IFT88: variants seen among roughly 807,000 people sequenced by gnomAD.
IFT88 encodes the protein intraflagellar transport protein 88 homolog.
A neutral mutation model predicts 119.5 loss-of-function variants in IFT88; 74 were observed. That is an observed-to-expected ratio of 0.62 (90% confidence interval 0.51 to 0.75). IFT88 has a LOEUF of 0.75. Ranked by LOEUF, IFT88 falls within the 30% of genes least tolerant of loss-of-function variation. The pLI is 0.00. For missense variants in IFT88, 961 were observed against 977.7 expected, an observed-to-expected ratio of 0.98 and a Z score of 0.23; for synonymous variants, 279 against 316.7, an observed-to-expected ratio of 0.88 and a Z score of 1.26.
intron 24 of IFT88, among the ~76,000 whole-genome samples, chr13:20,675,699 G>C (rs1008645025): frequency 6.6e-6 from 1 of 152,194 alleles, no homozygotes; most frequent in Non-Finnish European, 1.5e-5. Context: ...TGTACACAGC[G>C]TGTAAGTGAA....
intron 3 of IFT88, among the ~76,000 whole-genome samples, chr13:20,586,154 A>G (rs1593828212): frequency 6.6e-6 from 1 of 152,340 alleles, no homozygotes; most frequent in East Asian, 1.9e-4. Context: ...AAGCCTAGAA[A>G]AGCCAAGGTC....
chr13:20,571,028 C>G (rs1331508641), intron 1 of IFT88, among the ~76,000 whole-genome samples: 5 of 152,048 alleles, frequency 3.3e-5, no homozygotes, highest in Non-Finnish European at 5.9e-5. Context: ...GAGTCTGGCT[C>G]TGTCGCCTAG....
chr13:20,631,184 A>C, intron 16 of IFT88, 82 bp downstream of exon 16: 1 of 874,486 alleles, frequency 1.1e-6, no homozygotes, highest in Non-Finnish European at 1.9e-6. Context: ...GCCTAGGGAG[A>C]GGTCCAAAGA....
At chr13:20,620,439 C>G (rs919932087) in intron 14 of IFT88, among the ~76,000 whole-genome samples, 8 of 152,150 alleles carry the variant, frequency 5.3e-5, no homozygotes, top group Non-Finnish European at 1.2e-4. Flanking sequence ...CACTTGATAT[C>G]TGGTAGTGCT....
chr13:20,655,441 CA>C (rs71778307), intron 21 of IFT88, among the ~76,000 whole-genome samples: 55,546 of 128,092 alleles, frequency 0.43, 12,191 homozygotes, highest in Middle Eastern at 0.58. Flanking sequence ...GACTCCATCT[CA>C]AAAAAAAAAA....
At chr13:20,583,076 C>A in intron 3 of IFT88, 57 bp downstream of exon 3, 2 of 1,044,404 alleles carry the variant, frequency 1.9e-6, no homozygotes, top group Non-Finnish European at 3.0e-6. Context: ...ATGAAATTTA[C>A]CAGATTAACC....
intron 15 of IFT88, among the ~76,000 whole-genome samples, chr13:20,629,006 A>T (rs1408126730): frequency 6.6e-6 from 1 of 151,908 alleles, no homozygotes; most frequent in African/African-American, 2.4e-5. Context: ...CCTTTTTTTA[A>T]AAAAAAATTG....
Position 20,691,327 on chromosome 13 carries a change from G to T in IFT88, c.*152G>T, listed in dbSNP as rs2058444726. On this transcript the variant is annotated 3_prime_UTR_variant, in exon 26 of 26. Coordinates refer to ENST00000351808, the MANE Select transcript of IFT88 (RefSeq NM_006531.5). ...TATTCTGTATGTATGCATTTAAGTT[G>T]TTTTTTTCTTTTAAGGAATAAAAAC... The T allele has an allele frequency of 3.1e-6, 2 of 649,784 alleles. No homozygotes were observed. Among genetic ancestry groups the T allele is most frequent in the Non-Finnish European group, 4.8e-6 (2 of 416,906 alleles). 40.3% of individuals were successfully genotyped at this position (649,784 alleles called of 1,614,324 possible).
chr13:20,681,939 CT>C (rs1487385511), intron 24 of IFT88, among the ~76,000 whole-genome samples: 4 of 152,226 alleles, frequency 2.6e-5, no homozygotes, highest in Admixed American at 6.5e-5. Flanking sequence ...GCACCTACAG[CT>C]GGTTTAGATT....
At chr13:20,614,418 A>G (rs1474514606) in intron 13 of IFT88, 1 of 152,186 alleles carries the variant, frequency 6.6e-6, no homozygotes, top group African/African-American at 2.4e-5. Flanking sequence ...ATACGCAACA[A>G]ATTGGATAGA....
rs756018004 is a variant in IFT88 at position 20,631,004 on chromosome 13, T to C, written c.1300-12T>C. The C allele has an allele frequency of 9.9e-6, 15 of 1,507,680 alleles. No homozygotes were observed. In the African/African-American group the frequency reaches 1.2e-4, roughly 12 times the overall value. The allele number at this position is 1,507,680 out of a possible 1,614,324, so 93.4% of individuals were successfully genotyped here. A position where few individuals can be genotyped will look rare whatever the true frequency, so the allele number is the denominator to read the frequency against. On this transcript the variant is annotated splice_polypyrimidine_tract_variant and intron_variant, in intron 15 of 25. Coordinates refer to ENST00000351808, the MANE Select transcript of IFT88 (RefSeq NM_006531.5). ...TTACAGTGGTAGTAACCTTCAGATA[T>C]TCCATTTCTAGGCTGTAGAGATCTT...
chr13:20,682,967 T>G (rs905664670), intron 24 of IFT88, among the ~76,000 whole-genome samples: 3 of 152,162 alleles, frequency 2.0e-5, no homozygotes, highest in South Asian at 2.1e-4. Flanking sequence ...TAAAGGCCAA[T>G]TTTTAGGAAT....
At chr13:20,675,136 GA>G (rs950278904) in intron 24 of IFT88, among the ~76,000 whole-genome samples, 2 of 152,088 alleles carry the variant, frequency 1.3e-5, no homozygotes, top group African/African-American at 4.8e-5. Flanking sequence ...GCCCACAAGG[GA>G]GGACGAGACA....
chr13:20,661,155 A>G (rs972359992), intron 22 of IFT88, among the ~76,000 whole-genome samples: 2 of 152,226 alleles, frequency 1.3e-5, no homozygotes, highest in African/African-American at 4.8e-5. Context: ...AAAAATGTGC[A>G]AAGTGCTGTC....
At chr13:20,684,693 C>T (rs565358003) in intron 24 of IFT88, among the ~76,000 whole-genome samples, 41 of 152,374 alleles carry the variant, frequency 2.7e-4, no homozygotes, top group Middle Eastern at 3.4e-3. Context: ...CTAACCTTCA[C>T]TCCTTTTCTG....
At chr13:20,670,082 A>G (rs2055531821) in intron 23 of IFT88, among the ~76,000 whole-genome samples, 1 of 152,196 alleles carries the variant, frequency 6.6e-6, no homozygotes, top group South Asian at 2.1e-4. Flanking sequence ...ATATTTGGGA[A>G]GTTGTCAGGG....
intron 17 of IFT88, among the ~76,000 whole-genome samples, chr13:20,639,588 AC>A (rs2049542915): frequency 6.6e-6 from 1 of 152,256 alleles, no homozygotes; most frequent in East Asian, 1.9e-4. Context: ...GGAGGCTATG[AC>A]CACTTGGGTA....
chr13:20,661,984 T>A (rs1307307518), intron 22 of IFT88, among the ~76,000 whole-genome samples: 1 of 152,156 alleles, frequency 6.6e-6, no homozygotes, highest in East Asian at 1.9e-4. Context: ...ACAGCTAGAT[T>A]TTCAAATGCC....
Position 20,634,802 on chromosome 13 carries a change from ATT to A in IFT88, c.1387-3519_1387-3518del, listed in dbSNP as rs34571895. Among the ~76,000 whole-genome samples the A allele has an allele frequency of 3.4e-3, 505 of 147,508 alleles. 1 individual carries two copies. Among genetic ancestry groups the A allele is most frequent in the Non-Finnish European group, 4.2e-3 (278 of 66,980 alleles). On this transcript the variant is annotated intron_variant, in intron 16 of 25. Transcript: ENST00000351808. ...TTCTTCTTGATCCAAAGATTTCTTT[ATT>A]TTTTTTTTTTATACTTTAAGTTTTA... is the stretch of plus-strand genomic sequence containing the variant.
Sources: gnomAD v4.1 joint callset for allele counts (sites outside exome capture counted in the v4.1 genomes callset) on GRCh38, gnomAD v4.1.1 for gene constraint, MANE v1.5 for transcripts, NCBI Gene and HGNC (gene_info 2026-07-23, HGNC 2026-07-21) for gene names.